Variants in FLT1 observed in about 807,000 individuals in gnomAD.
FLT1 encodes the protein vascular endothelial growth factor receptor 1.
A neutral mutation model predicts 156.3 loss-of-function variants in FLT1; 49 were observed. The observed-to-expected ratio is 0.31, with a 90% CI of 0.25 to 0.40. The LOEUF (loss-of-function observed/expected upper bound fraction) is 0.40, where lower values mean the gene tolerates loss of function less well. Ranked by LOEUF, FLT1 falls within the 10% of genes least tolerant of loss-of-function variation. The pLI, the probability that FLT1 is intolerant of heterozygous loss-of-function variation, is 1.00. For synonymous variants in FLT1, 594 were observed against 583.8 expected (o/e 1.02, Z -0.25); for missense variants, 1,322 against 1,637.2 (o/e 0.81, Z 3.32).
chr13:28,452,721 C>T (rs1360958661), intron 3 of FLT1, among the ~76,000 whole-genome samples: 1 of 152,100 alleles, frequency 6.6e-6, no homozygotes, highest in East Asian at 1.9e-4. Flanking sequence ...CTCATGTCTC[C>T]TATTTTCCCA....
intron 14 of FLT1, among the ~76,000 whole-genome samples, chr13:28,367,190 A>T (rs1873331904): frequency 1.3e-5 from 2 of 152,162 alleles, no homozygotes; most frequent in South Asian, 4.1e-4. Flanking sequence ...TAATTTTGTC[A>T]TCTTAAGGTT....
chr13:28,474,442 A>G (rs1880423404), intron 1 of FLT1, among the ~76,000 whole-genome samples: 1 of 150,824 alleles, frequency 6.6e-6, no homozygotes, highest in South Asian at 2.1e-4. Flanking sequence ...GGCGACAGAA[A>G]CTCTGTCTCA....
chr13:28,477,103 A>C (rs999446902), intron 1 of FLT1, among the ~76,000 whole-genome samples: 2 of 152,216 alleles, frequency 1.3e-5, no homozygotes, highest in African/African-American at 4.8e-5. Context: ...AAAATGCTCT[A>C]ATAACGTCAA....
chr13:28,306,890 TC>T, intron 28 of FLT1, 118 bp from the exon 29 acceptor site: 1 of 723,422 alleles, frequency 1.4e-6, no homozygotes, highest in East Asian at 2.7e-5. Flanking sequence ...CCCTCCACAA[TC>T]CCAGCCTATT....
At chr13:28,489,319 A>T (rs1487102935) in intron 1 of FLT1, among the ~76,000 whole-genome samples, 1 of 152,212 alleles carries the variant, frequency 6.6e-6, no homozygotes, top group African/African-American at 2.4e-5. Context: ...GTGTGGCCAC[A>T]TATTCATTCA....
At chr13:28,492,054 T>C (rs79793347) in intron 1 of FLT1, among the ~76,000 whole-genome samples, 6,501 of 152,202 alleles carry the variant, frequency 0.043, 197 homozygotes, top group Middle Eastern at 0.088. Flanking sequence ...AAATAATTAA[T>C]ATTTCGAATA....
intron 14 of FLT1, among the ~76,000 whole-genome samples, chr13:28,375,004 G>A (rs1020558978): frequency 3.6e-4 from 55 of 152,114 alleles, no homozygotes; most frequent in African/African-American, 1.2e-3. Context: ...ACCTTACTGT[G>A]GCCAGCAGCT....
At chr13:28,387,707 T>C (rs1322161716) in intron 13 of FLT1, 1 of 1,057,862 alleles carries the variant, frequency 9.5e-7, no homozygotes, top group Non-Finnish European at 1.1e-6. Context: ...TTTCTCCTTT[T>C]TTTTTTCTCC....
chr13:28,450,302 G>A (rs1310760740), intron 3 of FLT1, among the ~76,000 whole-genome samples: 2 of 152,194 alleles, frequency 1.3e-5, no homozygotes, highest in Non-Finnish European at 2.9e-5. Flanking sequence ...ATCTGAGTAA[G>A]TGAGTTGAAG....
chr13:28,413,872 A>G (rs943510030), intron 10 of FLT1, among the ~76,000 whole-genome samples: 1 of 152,238 alleles, frequency 6.6e-6, no homozygotes, highest in East Asian at 1.9e-4. Flanking sequence ...AGGTGAAATC[A>G]TGGTTTTATA....
chr13:28,311,341 CA>C (rs1441598720), intron 27 of FLT1, among the ~76,000 whole-genome samples: 1 of 151,986 alleles, frequency 6.6e-6, no homozygotes, highest in Non-Finnish European at 1.5e-5. Context: ...AATGGTTTGG[CA>C]AAAAGAAAAA....
chr13:28,438,730 T>G (rs1878178568), intron 3 of FLT1, among the ~76,000 whole-genome samples: 1 of 152,204 alleles, frequency 6.6e-6, no homozygotes, highest in African/African-American at 2.4e-5. Flanking sequence ...AGAGCCTTTG[T>G]AAGTGCTCAA....
rs2138798648 is a variant in FLT1 at position 28,301,057 on chromosome 13, G to T, written c.*2110C>A. On this transcript the variant is annotated 3_prime_UTR_variant, in exon 30 of 30. Coordinates refer to ENST00000282397, the MANE Select transcript of FLT1 (RefSeq NM_002019.4). ...ATTCTAATGGTTTTGCTTTTCTCTT[G>T]AAAAGGAGTATTTATTATGGTCTCT... The T allele has an allele frequency of 4.3e-6, 1 of 232,056 alleles. No homozygotes were observed. The highest frequency in any genetic ancestry group is 6.1e-5 in the East Asian group (1 of 16,386). The allele number at this position is 232,056 out of a possible 1,614,324, so 14.4% of individuals were successfully genotyped here. A position where few individuals can be genotyped will look rare whatever the true frequency, so the allele number is the denominator to read the frequency against.
chr13:28,481,304 A>G (rs1011273963), intron 1 of FLT1, among the ~76,000 whole-genome samples: 1 of 152,194 alleles, frequency 6.6e-6, no homozygotes, highest in Non-Finnish European at 1.5e-5. Context: ...TCAGGAGAAC[A>G]TGGCCAGCTT....
At chr13:28,354,102 G>A (rs1189220869) in intron 15 of FLT1, among the ~76,000 whole-genome samples, 1 of 152,152 alleles carries the variant, frequency 6.6e-6, no homozygotes, top group Non-Finnish European at 1.5e-5. Flanking sequence ...TCTAAATCTA[G>A]GGAATGTTTC....
rs113958200 is a variant in FLT1, at chr13:28,426,130, C to CTT, written c.1436+1027_1436+1028dup. Among the ~76,000 whole-genome samples the CTT allele has an allele frequency of 4.7e-3, 612 of 131,102 alleles. 16 individuals are homozygous for CTT. The highest frequency in any genetic ancestry group is 0.027 in the Admixed American group (357 of 13,040). 86.0% of individuals were successfully genotyped at this position (131,102 alleles called of 152,430 possible). ...TGCTTTGTTTACTTTTCCTGTCAAT[C>CTT]TTTTTTTTTTTTTTTTTTTGAATAA... On this transcript the variant is annotated intron_variant, in intron 10 of 29. Coordinates refer to ENST00000282397, the MANE Select transcript of FLT1 (RefSeq NM_002019.4).
At chr13:28,430,983 T>C (rs563123007) in intron 7 of FLT1, among the ~76,000 whole-genome samples, 153 bp downstream of exon 7, 61 of 152,268 alleles carry the variant, frequency 4.0e-4, no homozygotes, top group Admixed American at 8.5e-4. Flanking sequence ...GTGGTTTGCT[T>C]TTTGACAGGG....
chr13:28,413,873 T>C (rs1374033925), intron 10 of FLT1, among the ~76,000 whole-genome samples: 1 of 152,240 alleles, frequency 6.6e-6, no homozygotes, highest in Non-Finnish European at 1.5e-5. Context: ...GGTGAAATCA[T>C]GGTTTTATAA....
chr13:28,437,346 G>A (rs199838538), intron 4 of FLT1, among the ~76,000 whole-genome samples: 1 of 152,320 alleles, frequency 6.6e-6, no homozygotes, highest in East Asian at 1.9e-4. Flanking sequence ...GTTGATGGGT[G>A]AGACTGAACA....
Sources: allele counts gnomAD v4.1 joint callset (sites outside exome capture counted in the v4.1 genomes callset), GRCh38; gene constraint gnomAD v4.1.1; transcripts MANE v1.5; gene names NCBI Gene and HGNC (gene_info 2026-07-23, HGNC 2026-07-21).